Variants in ATP8A2 observed in about 807,000 individuals in gnomAD.
ATP8A2 encodes phospholipid-transporting ATPase IB.
Under a neutral mutation model 165.6 loss-of-function variants are expected in ATP8A2, and 100 were observed. That is an observed-to-expected ratio of 0.60 (90% CI 0.51 to 0.71). ATP8A2 has a LOEUF of 0.71. Ranked by LOEUF, ATP8A2 falls within the 30% of genes least tolerant of loss-of-function variation. ATP8A2 has a pLI of 0.00. For missense variants in ATP8A2, 1,227 were observed against 1,479.5 expected, an observed-to-expected ratio of 0.83 and a Z score of 2.80; for synonymous variants, 543 against 548.8, an observed-to-expected ratio of 0.99 and a Z score of 0.15.
At chr13:25,947,595 G>A (rs987741217) in intron 33 of ATP8A2, among the ~76,000 whole-genome samples, 2 of 152,322 alleles carry the variant, frequency 1.3e-5, no homozygotes, top group East Asian at 3.9e-4. Flanking sequence ...GTGATAAGGA[G>A]AAGATAAAGA....
intron 33 of ATP8A2, among the ~76,000 whole-genome samples, chr13:25,908,952 C>A (rs900643796): frequency 2.0e-5 from 3 of 152,098 alleles, no homozygotes; most frequent in Middle Eastern, 3.2e-3. Context: ...GAGCAAACAA[C>A]CTTAAGGAAT....
intron 27 of ATP8A2, among the ~76,000 whole-genome samples, chr13:25,808,558 C>T (rs1950792705): frequency 6.6e-6 from 1 of 150,760 alleles, no homozygotes. Flanking sequence ...GATATCATGC[C>T]ACTGCACTCC....
intron 24 of ATP8A2, among the ~76,000 whole-genome samples, chr13:25,657,983 A>G (rs17082604): frequency 0.034 from 5,237 of 152,234 alleles, 153 homozygotes; most frequent in East Asian, 0.13. Context: ...TATTTAATTG[A>G]CAGTATCATC....
chr13:25,579,754 C>A (rs1384069993), intron 21 of ATP8A2, 54 bp from the exon 22 acceptor site: 2 of 1,599,948 alleles, frequency 1.3e-6, no homozygotes, highest in African/African-American at 2.7e-5. Flanking sequence ...ACAGGCTGTC[C>A]CCTAGGAGGT....
At chr13:25,780,820 C>T (rs2044857421) in intron 27 of ATP8A2, among the ~76,000 whole-genome samples, 1 of 152,184 alleles carries the variant, frequency 6.6e-6, no homozygotes. Flanking sequence ...TGACAGGAGG[C>T]GGAGCTTAGG....
At chr13:25,894,789 C>T (rs1210788451) in intron 33 of ATP8A2, among the ~76,000 whole-genome samples, 25 of 152,038 alleles carry the variant, frequency 1.6e-4, no homozygotes, top group African/African-American at 5.5e-4. Context: ...TTATTCTCTT[C>T]GAAGCAATTG....
chr13:25,971,111 T>C (rs1260205544), intron 35 of ATP8A2, among the ~76,000 whole-genome samples: 2 of 152,112 alleles, frequency 1.3e-5, no homozygotes, highest in African/African-American at 4.8e-5. Flanking sequence ...AGCATCTTGC[T>C]TCACTTTGGA....
At chr13:25,994,725 C>G (rs1403455740) in intron 35 of ATP8A2, among the ~76,000 whole-genome samples, 1 of 152,020 alleles carries the variant, frequency 6.6e-6, no homozygotes. Flanking sequence ...TCTCTGTAAT[C>G]TCCACTTGAT....
chr13:25,488,512 G>A (rs967257345), intron 2 of ATP8A2, among the ~76,000 whole-genome samples: 1 of 152,168 alleles, frequency 6.6e-6, no homozygotes, highest in Non-Finnish European at 1.5e-5. Flanking sequence ...AGGCTGAGGT[G>A]GGAGGATTGC....
chr13:25,879,207 C>G (rs944338650), intron 33 of ATP8A2, among the ~76,000 whole-genome samples: 1 of 152,192 alleles, frequency 6.6e-6, no homozygotes, highest in African/African-American at 2.4e-5. Context: ...GCTAGTGACT[C>G]TTTTTGAGAA....
intron 24 of ATP8A2, among the ~76,000 whole-genome samples, chr13:25,618,647 C>T (rs2040887398): frequency 2.0e-5 from 3 of 150,390 alleles, no homozygotes; most frequent in East Asian, 1.9e-4. Context: ...GAAGGAAACC[C>T]AATTATGTCC....
chr13:25,923,009 A>G (rs1954505039), intron 33 of ATP8A2, among the ~76,000 whole-genome samples: 1 of 152,194 alleles, frequency 6.6e-6, no homozygotes, highest in South Asian at 2.1e-4. Context: ...TTGATTTTCA[A>G]TGTGAAGGGA....
In ATP8A2 at chr13:25,374,374, G is replaced by C. The variant is rs2032539036; in HGVS notation, c.76+2086G>C. ...AGCAGGTGTAAGAGTAACAGGACAG[G>C]AACTGGAAACAGCAAGTCCGGAAAA... On this transcript the variant is annotated intron_variant, in intron 1 of 36. Coordinates refer to ENST00000381655, the MANE Select transcript of ATP8A2 (RefSeq NM_016529.6). 2.0e-5 allele frequency among the ~76,000 whole-genome samples: 3 copies of C among 152,204 alleles called. No individual in the cohort carries two copies. The South Asian group carries it at 6.2e-4, about 32-fold the overall frequency.
At chr13:25,541,815 TG>T in intron 8 of ATP8A2, 103 bp from the exon 9 acceptor site, 1 of 1,257,952 alleles carries the variant, frequency 7.9e-7, no homozygotes, top group Non-Finnish European at 1.1e-6. Context: ...ATTATTGCAC[TG>T]GAGATGCCTT....
intron 30 of ATP8A2, among the ~76,000 whole-genome samples, chr13:25,859,854 G>A (rs1383229540): frequency 6.6e-6 from 1 of 152,098 alleles, no homozygotes; most frequent in Non-Finnish European, 1.5e-5. Context: ...AACATCGATG[G>A]CACTTAATAA....
intron 35 of ATP8A2, among the ~76,000 whole-genome samples, chr13:26,012,110 G>A (rs1456538236): frequency 6.6e-6 from 1 of 152,168 alleles, no homozygotes; most frequent in Non-Finnish European, 1.5e-5. Context: ...ATCAAGTTCT[G>A]CAGAACGAAG....
intron 33 of ATP8A2, among the ~76,000 whole-genome samples, chr13:25,889,966 TC>T (rs1361456281): frequency 2.0e-5 from 3 of 152,036 alleles, no homozygotes; most frequent in African/African-American, 7.2e-5. Context: ...ATCGAGACCA[TC>T]CTGGCTGACA....
chr13:25,755,151 C>T (rs889281946), intron 25 of ATP8A2, among the ~76,000 whole-genome samples: 4 of 152,204 alleles, frequency 2.6e-5, no homozygotes, highest in African/African-American at 7.2e-5. Context: ...TTCTTGTGAA[C>T]AGCTGATACT....
rs17586105 is a variant in ATP8A2, at chr13:25,953,085, C to A, written c.3184-8490C>A. Among the ~76,000 whole-genome samples, 15 of 152,106 alleles carry A rather than the reference C, an allele frequency of 9.9e-5. No homozygotes were observed. The highest frequency in any genetic ancestry group is 2.1e-4 in the Non-Finnish European group (14 of 68,020). ...GCAACTGCAAGGGTTCTTCCAAATCCGATTGTCCTGACAGGTTTTGTTTTA... is the reference window on the plus strand; with the variant it reads ...GCAACTGCAAGGGTTCTTCCAAATCAGATTGTCCTGACAGGTTTTGTTTTA... On this transcript the variant is annotated intron_variant, in intron 33 of 36. Transcript: ENST00000381655. The surrounding 1 kb of genome is among the most constrained non-coding windows in gnomAD (Gnocchi z 6.7).
Sources: allele counts gnomAD v4.1 joint callset (sites outside exome capture counted in the v4.1 genomes callset), GRCh38; gene constraint gnomAD v4.1.1; non-coding constraint Gnocchi (gnomAD v3.1); transcripts MANE v1.5; gene names NCBI Gene and HGNC (gene_info 2026-07-23, HGNC 2026-07-21).